Variants in IGFL2 observed in about 807,000 individuals in gnomAD.
IGFL2 encodes insulin growth factor-like family member 2.
Under a neutral mutation model 13.9 loss-of-function variants are expected in IGFL2, and 7 were observed. The ratio of observed to expected loss-of-function variants is 0.51; its 90% CI spans 0.29 to 0.95. IGFL2 has a LOEUF of 0.95. Ranked by LOEUF, IGFL2 falls within the 40% of genes least tolerant of loss-of-function variation. The pLI, the probability that IGFL2 is intolerant of heterozygous loss-of-function variation, is 0.08. For missense variants in IGFL2, 138 were observed against 147.8 expected (o/e 0.93, Z 0.34); for synonymous variants, 55 against 55.8 (o/e 0.99, Z 0.07).
At chr19:46,205,353 G>A in the IGFL2 span, among the ~76,000 whole-genome samples, 3 of 152,158 alleles carry the variant, frequency 2.0e-5, no homozygotes, top group African/African-American at 4.8e-5. Context: ...TTTCAAAATG[G>A]CAGCTCCATC....
At chr19:46,148,440 C>A in intron 1 of IGFL2, 143 bp downstream of exon 1, 2 of 762,470 alleles carry the variant, frequency 2.6e-6, no homozygotes, top group Non-Finnish European at 4.5e-6. Context: ...GACTGCATTG[C>A]AATCTCTCTT....
chr19:46,139,843 TTATA>T (rs1263177450), upstream of IGFL2, among the ~76,000 whole-genome samples: 2 of 151,430 alleles, frequency 1.3e-5, no homozygotes, highest in Non-Finnish European at 2.9e-5. Context: ...CTATATATAT[TTATA>T]TGTGTGTATG....
the IGFL2 span, among the ~76,000 whole-genome samples, chr19:46,185,819 G>A: frequency 5.5e-3 from 839 of 152,172 alleles, 5 homozygotes; most frequent in African/African-American, 0.019. Flanking sequence ...TGAAGTTGTC[G>A]ACAGAGGGTC....
chr19:46,182,748 G>A, the IGFL2 span, among the ~76,000 whole-genome samples: 1 of 152,178 alleles, frequency 6.6e-6, no homozygotes, highest in African/African-American at 2.4e-5. Flanking sequence ...CTGTACTGCC[G>A]TTAGTTTCTC....
chr19:46,180,180 CTT>C, the IGFL2 span, among the ~76,000 whole-genome samples: 1 of 141,208 alleles, frequency 7.1e-6, no homozygotes, highest in African/African-American at 2.6e-5. Context: ...TGATATTTTT[CTT>C]TTTTTTTTTT....
At chr19:46,093,263 A>G in the IGFL2 span, among the ~76,000 whole-genome samples, 1 of 152,228 alleles carries the variant, frequency 6.6e-6, no homozygotes, top group Non-Finnish European at 1.5e-5. Context: ...AATAAAGATA[A>G]TTTCTCTAAT....
the IGFL2 span, among the ~76,000 whole-genome samples, chr19:46,206,443 C>G: frequency 1.3e-5 from 2 of 152,206 alleles, no homozygotes; most frequent in Non-Finnish European, 2.9e-5. Context: ...ATACGAAGCA[C>G]CTAGAACTGA....
chr19:46,104,715 T>G, the IGFL2 span, among the ~76,000 whole-genome samples: 2 of 151,702 alleles, frequency 1.3e-5, no homozygotes, highest in Admixed American at 6.6e-5. Context: ...AATCCCTGAG[T>G]AGTAGTAGAA....
the IGFL2 span, among the ~76,000 whole-genome samples, chr19:46,102,994 C>T: frequency 6.6e-6 from 1 of 152,014 alleles, no homozygotes; most frequent in Admixed American, 6.5e-5. Flanking sequence ...ATGGTGATGG[C>T]CTGGATGCAG....
chr19:46,079,405 C>T, the IGFL2 span, among the ~76,000 whole-genome samples: 2 of 152,200 alleles, frequency 1.3e-5, no homozygotes, highest in Non-Finnish European at 2.9e-5. Context: ...CTCAGCGAGT[C>T]GTGCGTACCA....
At chr19:46,164,910 C>T (rs1436091895), downstream of IGFL2, among the ~76,000 whole-genome samples, 2 of 152,154 alleles carry the variant, frequency 1.3e-5, no homozygotes, top group Non-Finnish European at 2.9e-5. Flanking sequence ...ACTTGAGTGT[C>T]GTCTGGTCAG....
chr19:46,147,158 C>G (rs1002645623), upstream of IGFL2, among the ~76,000 whole-genome samples: 3 of 152,166 alleles, frequency 2.0e-5, no homozygotes, highest in East Asian at 5.8e-4. Context: ...GTTTTTACAG[C>G]CCCTGCTCTT....
the IGFL2 span, among the ~76,000 whole-genome samples, chr19:46,104,283 T>TA: frequency 6.8e-4 from 104 of 152,310 alleles, no homozygotes; most frequent in Admixed American, 1.2e-3. Context: ...GGGCAAGAGG[T>TA]AAAAGTACTG....
Position 46,154,085 on chromosome 19 carries a change from T to G in IGFL2, c.19+5788T>G, listed in dbSNP as rs536279940. On this transcript the variant is annotated intron_variant, in intron 1 of 3. Coordinates refer to ENST00000377693, the MANE Select transcript of IGFL2 (RefSeq NM_001135113.2). ...TCTCACTTCTGAGTGAGAACATGTG[T>G]TGTTTGGTTTTCTGTTCCTGTGTTA... 8.3e-4 allele frequency among the ~76,000 whole-genome samples: 127 copies of G among 152,134 alleles called. 2 individuals are homozygous for G. The Middle Eastern group carries it at 0.017, about 20-fold the overall frequency.
chr19:46,160,675 C>T lies in IGFL2; in HGVS notation c.135C>T (p.Tyr45=). The T allele has an allele frequency of 6.2e-7, 1 of 1,614,208 alleles. No homozygotes were observed. Among genetic ancestry groups the T allele is most frequent in the Non-Finnish European group, 8.5e-7 (1 of 1,180,036 alleles). The part of the protein sequence containing the change: ...QPAPRCGDKI[Y]NPLEQCCYND... ...CACCCAGGTGTGGAGACAAGATCTA[C>T]AACCCCTTGGAGCAGTGCTGTTACA... Residue 45 remains tyrosine, a synonymous_variant, in exon 3 of 4, where the codon TAC becomes TAT. Transcript: ENST00000377693.
chr19:46,186,331 T>C, the IGFL2 span, among the ~76,000 whole-genome samples: 1 of 152,196 alleles, frequency 6.6e-6, no homozygotes, highest in Non-Finnish European at 1.5e-5. Flanking sequence ...TGGCAGTCAC[T>C]TTTAGAGGGT....
At chr19:46,193,579 A>G in the IGFL2 span, among the ~76,000 whole-genome samples, 1 of 152,096 alleles carries the variant, frequency 6.6e-6, no homozygotes, top group Non-Finnish European at 1.5e-5. Context: ...CTTAATAAGG[A>G]AAGAAAAAAA....
the IGFL2 span, among the ~76,000 whole-genome samples, chr19:46,112,328 A>C: frequency 2.0e-5 from 3 of 152,312 alleles, no homozygotes; most frequent in Admixed American, 6.5e-5. Flanking sequence ...TTTGGCCTTA[A>C]ATAATTATAG....
At chr19:46,134,804 A>G in the IGFL2 span, among the ~76,000 whole-genome samples, 2 of 152,186 alleles carry the variant, frequency 1.3e-5, no homozygotes, top group Non-Finnish European at 2.9e-5. Context: ...TATGCAGCCC[A>G]GTTCCTAAAA....
Sources: gnomAD v4.1 joint callset for allele counts (sites outside exome capture counted in the v4.1 genomes callset) on GRCh38, gnomAD v4.1.1 for gene constraint, MANE v1.5 for transcripts, NCBI Gene and HGNC (gene_info 2026-07-23, HGNC 2026-07-21) for gene names.